The following CHUK variants were observed in gnomAD, a reference collection of about 807,000 sequenced individuals.
CHUK encodes inhibitor of nuclear factor kappa-B kinase subunit alpha.
Under a neutral mutation model 104.8 loss-of-function variants are expected in CHUK, and 35 were observed. That is an observed-to-expected ratio of 0.33 (90% CI 0.26 to 0.44). The LOEUF (loss-of-function observed/expected upper bound fraction) is 0.44. CHUK is among the 20% of genes least tolerant of loss of function. CHUK has a pLI of 1.00. For synonymous variants in CHUK, 276 were observed against 291.9 expected (o/e 0.95, Z 0.56); for missense variants, 663 against 902.7 (o/e 0.73, Z 3.40).
intron 1 of CHUK, among the ~76,000 whole-genome samples, chr10:100,227,298 T>G (rs6584353): frequency 0.2 from 30,442 of 152,172 alleles, 5,451 homozygotes; most frequent in African/African-American, 0.48. Context: ...GAGATAGGGT[T>G]ATGGCTGTAC....
At chr10:100,195,407 A>G (rs1814258245) in intron 16 of CHUK, 1 of 152,206 alleles carries the variant, frequency 6.6e-6, no homozygotes, top group African/African-American at 2.4e-5. Context: ...GAGGTTTAAA[A>G]AACGTTGTGT....
chr10:100,196,934 G>C (rs908163801), intron 16 of CHUK, among the ~76,000 whole-genome samples: 3 of 152,110 alleles, frequency 2.0e-5, no homozygotes, highest in Non-Finnish European at 1.5e-5. Flanking sequence ...TAGTATCAAG[G>C]CTAATCCCTC....
intron 18 of CHUK, 75 bp from the exon 19 acceptor site, chr10:100,193,506 T>G: frequency 6.5e-7 from 1 of 1,550,332 alleles, no homozygotes. Context: ...CTTATCATAT[T>G]CCTAAGACTT....
At chr10:100,194,384 G>A (rs1397585730) in intron 17 of CHUK, 41 bp downstream of exon 17, 17 of 1,371,798 alleles carry the variant, frequency 1.2e-5, no homozygotes, top group South Asian at 2.3e-5. Flanking sequence ...CAAGATAAAC[G>A]TATCCTGGTT....
intron 17 of CHUK, 132 bp from the exon 18 acceptor site, chr10:100,194,263 CA>C: frequency 4.5e-6 from 5 of 1,118,382 alleles, no homozygotes; most frequent in Non-Finnish European, 6.7e-6. Context: ...GTAATGCATA[CA>C]AAAGGACACA....
intron 9 of CHUK, among the ~76,000 whole-genome samples, chr10:100,217,250 G>A (rs1372763111): frequency 7.7e-6 from 1 of 129,922 alleles, no homozygotes; most frequent in African/African-American, 3.3e-5. Flanking sequence ...CACTTGACTT[G>A]TTAAAAAAAA....
intron 20 of CHUK, chr10:100,190,015 TTA>T (rs1845158922): frequency 6.3e-6 from 1 of 159,068 alleles, no homozygotes; most frequent in African/African-American, 2.7e-5. Context: ...CTGGCCACCA[TTA>T]TCCTTTTTTT....
intron 20 of CHUK, chr10:100,190,550 T>C: frequency 2.7e-6 from 1 of 366,546 alleles, no homozygotes. Flanking sequence ...CCCATCTTAA[T>C]GGAGAAAATT....
chr10:100,229,096 C>T (rs749772878), intron 1 of CHUK, among the ~76,000 whole-genome samples: 1 of 152,010 alleles, frequency 6.6e-6, no homozygotes, highest in Non-Finnish European at 1.5e-5. Flanking sequence ...TACATACACA[C>T]TGTGACGTGC....
intron 16 of CHUK, chr10:100,195,384 A>G (rs1845301246): frequency 6.6e-6 from 1 of 152,240 alleles, no homozygotes; most frequent in African/African-American, 2.4e-5. Flanking sequence ...AAAGGAAATG[A>G]TGAGCATCAA....
intron 16 of CHUK, 48 bp from the exon 17 acceptor site, chr10:100,194,569 T>C (rs1421679076): frequency 2.4e-6 from 3 of 1,275,422 alleles, no homozygotes; most frequent in Non-Finnish European, 3.4e-6. Context: ...CTGTAACATA[T>C]CAGCCTCCAA....
intron 15 of CHUK, 50 bp downstream of exon 15, chr10:100,200,621 A>T: frequency 1.1e-6 from 1 of 898,220 alleles, no homozygotes; most frequent in Non-Finnish European, 1.9e-6. Flanking sequence ...AAGCAGAAAG[A>T]ATACAAAATA....
chr10:100,201,302 G>GA (rs1845456489), intron 14 of CHUK, among the ~76,000 whole-genome samples: 1 of 152,060 alleles, frequency 6.6e-6, no homozygotes, highest in South Asian at 2.1e-4. Flanking sequence ...AGGATAAGGG[G>GA]AAAAAATCTG....
In CHUK at chr10:100,224,927, G is replaced by A. The variant is rs1485237017; in HGVS notation, c.200+996C>T. ...TACAGTGGTATGATCTCAGCTCACTGTAGCCTTGACCTCCTGGGCTCAAGC... is the reference window on the plus strand; with the variant it reads ...TACAGTGGTATGATCTCAGCTCACTATAGCCTTGACCTCCTGGGCTCAAGC... On this transcript the variant is annotated intron_variant, in intron 2 of 20. Coordinates refer to ENST00000370397, the MANE Select transcript of CHUK (RefSeq NM_001278.5). Among the ~76,000 whole-genome samples the A allele has an allele frequency of 3.3e-5, 5 of 151,884 alleles. No homozygotes were observed. The East Asian group carries it at 9.7e-4, about 29-fold the overall frequency.
intron 9 of CHUK, among the ~76,000 whole-genome samples, chr10:100,213,000 CAA>C (rs11349438): frequency 9.3e-4 from 97 of 104,514 alleles, no homozygotes; most frequent in Middle Eastern, 4.7e-3. Flanking sequence ...GACTTTGTCT[CAA>C]AAAAAAAAAA....
intron 14 of CHUK, among the ~76,000 whole-genome samples, chr10:100,201,466 C>T (rs1845460676): frequency 6.6e-6 from 1 of 152,136 alleles, no homozygotes; most frequent in African/African-American, 2.4e-5. Flanking sequence ...GTGCAGCCAT[C>T]CTATCTAAAC....
At chr10:100,217,211 C>T (rs887721052) in intron 9 of CHUK, among the ~76,000 whole-genome samples, 1 of 150,060 alleles carries the variant, frequency 6.7e-6, no homozygotes, top group Admixed American at 6.6e-5. Flanking sequence ...TAGGGAAAGC[C>T]CCCCCAAAAA....
intron 9 of CHUK, among the ~76,000 whole-genome samples, chr10:100,216,658 G>T (rs1254516541): frequency 6.6e-6 from 1 of 152,134 alleles, no homozygotes; most frequent in Non-Finnish European, 1.5e-5. Flanking sequence ...GAGCTATCTC[G>T]CCATGTACTC....
At position 100,219,115 on chromosome 10, in the gene CHUK, C is replaced by T. The variant is rs759472948; in HGVS notation, c.582G>A (p.Glu194=). The T allele has an allele frequency of 1.1e-5, 17 of 1,613,804 alleles. No individual in the cohort carries two copies. Among genetic ancestry groups the T allele is most frequent in the Middle Eastern group, 1.7e-4 (1 of 6,060 alleles). ...TLQYLAPELF[E]NKPYTATVDY... ...CAACAGTGGCTGTGTAAGGCTTATT[C>T]TCAAAGAGCTCTGGGGCCTTCAAAA... The change falls in exon 7 of 21, where the codon GAG becomes GAA. Residue 194 remains glutamate (E), a synonymous_variant. Transcript: ENST00000370397.
Sources: allele counts gnomAD v4.1 joint callset (sites outside exome capture counted in the v4.1 genomes callset), GRCh38; gene constraint gnomAD v4.1.1; transcripts MANE v1.5; gene names NCBI Gene and HGNC (gene_info 2026-07-23, HGNC 2026-07-21).